The following PHACTR1 variants were observed in gnomAD, a reference collection of about 807,000 sequenced individuals.
The protein encoded by PHACTR1 is RPEL repeat containing 1.
A neutral mutation model predicts 69.2 loss-of-function variants in PHACTR1; 16 were observed. The observed-to-expected ratio is 0.23, with a 90% CI of 0.16 to 0.35. The LOEUF (loss-of-function observed/expected upper bound fraction) is 0.35. Among genes scored for constraint, PHACTR1 ranks in the 10% least tolerant of loss-of-function variants. The pLI, the probability that PHACTR1 is intolerant of heterozygous loss-of-function variation, is 1.00. For synonymous variants in PHACTR1, 312 were observed against 284.5 expected, an observed-to-expected ratio of 1.10 and a Z score of -0.97; for missense variants, 510 against 734.7, an observed-to-expected ratio of 0.69 and a Z score of 3.54.
chr6:12,773,349 A>G (rs1769628635), intron 4 of PHACTR1, among the ~76,000 whole-genome samples: 5 of 152,102 alleles, frequency 3.3e-5, no homozygotes, highest in Admixed American at 2.0e-4. Context: ...CCCTGCGTCA[A>G]CTCAATATTT....
intron 4 of PHACTR1, among the ~76,000 whole-genome samples, chr6:12,960,831 G>A (rs1792623126): frequency 6.6e-6 from 1 of 152,176 alleles, no homozygotes; most frequent in Admixed American, 6.5e-5. Flanking sequence ...GCCTCCACTA[G>A]GGACAACACA....
chr6:12,855,387 G>T (rs536004799), intron 4 of PHACTR1, among the ~76,000 whole-genome samples: 1 of 152,286 alleles, frequency 6.6e-6, no homozygotes, highest in African/African-American at 2.4e-5. Context: ...AGAGGTTTGA[G>T]GCTGCAGTGA....
Position 12,979,278 on chromosome 6 carries a change from T to A in PHACTR1, c.251-74087T>A, listed in dbSNP as rs73364189. Reference sequence around the variant, plus strand: ...CCCTTATTCTTCACTTTGGGCAGATTCCCTCTAATCGTTATCATAATCATT... The same window carrying A: ...CCCTTATTCTTCACTTTGGGCAGATACCCTCTAATCGTTATCATAATCATT... On this transcript the variant is annotated intron_variant, in intron 4 of 14. Coordinates refer to ENST00000332995, the MANE Select transcript of PHACTR1 (RefSeq NM_030948.6). Among the ~76,000 whole-genome samples, 1,001 of 152,336 alleles carry A rather than the reference T, an allele frequency of 6.6e-3. 9 individuals are homozygous for A. Among genetic ancestry groups the A allele is most frequent in the African/African-American group, 0.022 (924 of 41,576 alleles).
intron 4 of PHACTR1, among the ~76,000 whole-genome samples, chr6:12,999,674 G>C (rs541800697): frequency 6.6e-6 from 1 of 152,322 alleles, no homozygotes; most frequent in South Asian, 2.1e-4. Context: ...GTGATACCAA[G>C]TATGGACATT....
chr6:13,142,885 G>A lies in PHACTR1; in HGVS notation c.416-17319G>A, dbSNP rs941554888. 5.9e-5 allele frequency among the ~76,000 whole-genome samples: 9 copies of A among 151,980 alleles called. No individual in the cohort carries two copies. In the South Asian group the frequency reaches 1.5e-3, roughly 24 times the overall value. On this transcript the variant is annotated intron_variant, in intron 5 of 14. Transcript: ENST00000332995. ...TATACCTAATGAACAAATTGTATTG[G>A]TAATTAAAAACCTTGCCAAAAGAAA...
At chr6:12,967,508 A>G (rs1793641295) in intron 4 of PHACTR1, among the ~76,000 whole-genome samples, 1 of 152,278 alleles carries the variant, frequency 6.6e-6, no homozygotes, top group Admixed American at 6.5e-5. Flanking sequence ...CTGCTGAACT[A>G]CACTGAAACC....
At chr6:12,909,543 G>A (rs1018505094) in intron 4 of PHACTR1, among the ~76,000 whole-genome samples, 5 of 152,310 alleles carry the variant, frequency 3.3e-5, no homozygotes, top group South Asian at 2.1e-4. Flanking sequence ...GCATCGAGCC[G>A]GATGCGGTGT....
At chr6:13,027,520 C>T in intron 4 of PHACTR1, among the ~76,000 whole-genome samples, 1 of 150,352 alleles carries the variant, frequency 6.7e-6, no homozygotes, top group African/African-American at 2.4e-5. Flanking sequence ...TGTTGTGCTT[C>T]TTTGCTATTT....
At chr6:12,959,570 G>A (rs769528231) in intron 4 of PHACTR1, among the ~76,000 whole-genome samples, 5 of 152,084 alleles carry the variant, frequency 3.3e-5, no homozygotes, top group Non-Finnish European at 7.4e-5. Flanking sequence ...GCAGTCCCTC[G>A]AGAAAACACT....
chr6:13,112,798 A>G (rs1386535053), intron 5 of PHACTR1, among the ~76,000 whole-genome samples: 1 of 152,160 alleles, frequency 6.6e-6, no homozygotes. Flanking sequence ...GCATAGTTGC[A>G]AAATTTTTCT....
At chr6:13,090,117 C>T (rs151236970) in intron 5 of PHACTR1, among the ~76,000 whole-genome samples, 2,026 of 152,182 alleles carry the variant, frequency 0.013, 54 homozygotes, top group African/African-American at 0.047. Context: ...TGTAATGGCG[C>T]GATCTCGGCT....
chr6:13,224,243 CAG>C (rs1769193176), intron 8 of PHACTR1, among the ~76,000 whole-genome samples: 1 of 152,186 alleles, frequency 6.6e-6, no homozygotes, highest in African/African-American at 2.4e-5. Flanking sequence ...AGTAAGCAAA[CAG>C]ATGATCATGG....
intron 3 of PHACTR1, among the ~76,000 whole-genome samples, chr6:12,745,187 C>T (rs1175334318): frequency 1.3e-5 from 2 of 152,018 alleles, no homozygotes; most frequent in Non-Finnish European, 2.9e-5. Context: ...CTTCTTTCTC[C>T]CTCCGCTTCT....
chr6:13,254,582 G>A (rs1241146960), intron 10 of PHACTR1, among the ~76,000 whole-genome samples: 13 of 152,198 alleles, frequency 8.5e-5, no homozygotes, highest in African/African-American at 2.7e-4. Context: ...AAAGGAAGAC[G>A]TTCTCTATCA....
intron 4 of PHACTR1, among the ~76,000 whole-genome samples, chr6:13,009,737 G>A (rs753743970): frequency 6.6e-6 from 1 of 152,064 alleles, no homozygotes; most frequent in Non-Finnish European, 1.5e-5. Context: ...CACCCTAATG[G>A]TGGGATCTTC....
At chr6:12,788,737 A>C (rs1561883399) in intron 4 of PHACTR1, among the ~76,000 whole-genome samples, 1 of 152,252 alleles carries the variant, frequency 6.6e-6, no homozygotes, top group African/African-American at 2.4e-5. Context: ...ACACAAAAGA[A>C]ATCTAAATCA....
At chr6:12,938,645 TC>T (rs1161949270) in intron 4 of PHACTR1, among the ~76,000 whole-genome samples, 1 of 152,172 alleles carries the variant, frequency 6.6e-6, no homozygotes, top group Non-Finnish European at 1.5e-5. Context: ...CATGAAACCA[TC>T]ACAATCAAGA....
chr6:12,863,402 T>C (rs1317347436), intron 4 of PHACTR1, among the ~76,000 whole-genome samples: 2 of 152,216 alleles, frequency 1.3e-5, no homozygotes, highest in Non-Finnish European at 2.9e-5. Context: ...GGGGGATTCA[T>C]GACCTCCTAT....
rs184624920 is a variant in PHACTR1, at chr6:13,033,862, C to T, written c.251-19503C>T. On this transcript the variant is annotated intron_variant, in intron 4 of 14. Coordinates refer to ENST00000332995, the MANE Select transcript of PHACTR1 (RefSeq NM_030948.6). ...TAATAAAATTGTTCATACTTTACAC[C>T]AAATATAATAAAGCAAAATGGTCCT... Among the ~76,000 whole-genome samples the T allele has an allele frequency of 9.7e-4, 143 of 147,154 alleles. 1 individual carries two copies. The highest frequency in any genetic ancestry group is 3.5e-3 in the African/African-American group (136 of 39,308).
Sources: allele counts gnomAD v4.1 joint callset (sites outside exome capture counted in the v4.1 genomes callset), GRCh38; gene constraint gnomAD v4.1.1; transcripts MANE v1.5; gene names NCBI Gene and HGNC (gene_info 2026-07-23, HGNC 2026-07-21).